KANK1: variants seen among roughly 807,000 people sequenced by gnomAD.
KANK1 encodes the protein KN motif and ankyrin repeat domains 1.
KANK1 carries 109 observed loss-of-function variants against 106.2 expected under a neutral mutation model. The observed-to-expected ratio is 1.03, with a 90% confidence interval of 0.88 to 1.20. The LOEUF (loss-of-function observed/expected upper bound fraction) is 1.20, where lower values mean the gene tolerates loss of function less well. Ranked by LOEUF, KANK1 falls within the 50% of genes most tolerant of loss-of-function variation. KANK1 has a pLI of 0.00. For synonymous variants in KANK1, 873 were observed against 652.2 expected (o/e 1.34, Z -5.16); for missense variants, 2,399 against 1,710.7 (o/e 1.40, Z -7.10).
chr9:556,190 A>G (rs549134237), intron 1 of KANK1, among the ~76,000 whole-genome samples: 111 of 152,332 alleles, frequency 7.3e-4, no homozygotes, highest in African/African-American at 2.6e-3. Flanking sequence ...TTTTAGAGCT[A>G]TTTCTGATAA....
chr9:503,065 C>A (rs983617026), upstream of KANK1, among the ~76,000 whole-genome samples: 5 of 137,436 alleles, frequency 3.6e-5, no homozygotes, highest in African/African-American at 1.4e-4. Flanking sequence ...CCCAGAACTC[C>A]TGGGGTCAAC....
chr9:699,235 T>C (rs1471800112), intron 2 of KANK1, among the ~76,000 whole-genome samples: 1 of 152,194 alleles, frequency 6.6e-6, no homozygotes, highest in Non-Finnish European at 1.5e-5. Context: ...ACAGTTGTTA[T>C]TTATGTGATC....
rs1309565091 is a variant in KANK1 at position 711,190 on chromosome 9, C to T, written c.424C>T (p.Pro142Ser). Reference sequence around the variant, plus strand: ...CATCCCAGAAAATCGACAGCTGCCACCTCCCTCACCACAACTCCCAAAGCA... The same window carrying T: ...CATCCCAGAAAATCGACAGCTGCCATCTCCCTCACCACAACTCCCAAAGCA... ...LTIPENRQLP[P>S]PSPQLPKHNL... Residue 142 changes from proline to serine, a missense_variant, in exon 3 of 12, where the codon CCT becomes TCT. Physicochemically the swap from Pro to Ser is moderately conservative, Grantham distance 74. Transcript: ENST00000382297. 4.3e-6 allele frequency: 7 copies of T among 1,614,084 alleles called. No individual in the cohort carries two copies. In the East Asian group the frequency reaches 6.7e-5, roughly 15 times the overall value.
At chr9:562,391 A>G (rs556666383) in intron 1 of KANK1, among the ~76,000 whole-genome samples, 1 of 152,314 alleles carries the variant, frequency 6.6e-6, no homozygotes, top group Non-Finnish European at 1.5e-5. Flanking sequence ...AGAGCTGGGT[A>G]ACAACTGCTT....
intron 1 of KANK1, among the ~76,000 whole-genome samples, chr9:594,418 A>G (rs1440423347): frequency 6.6e-6 from 1 of 151,808 alleles, no homozygotes; most frequent in Non-Finnish European, 1.5e-5. Flanking sequence ...ATTAGGGACA[A>G]ATCATATACC....
At chr9:705,666 T>A (rs747325759) in intron 2 of KANK1, among the ~76,000 whole-genome samples, 9 of 151,638 alleles carry the variant, frequency 5.9e-5, no homozygotes, top group Non-Finnish European at 1.3e-4. Context: ...GTGTGTGATC[T>A]TGGCTCACTG....
chr9:566,841 A>C (rs944802688), intron 1 of KANK1, among the ~76,000 whole-genome samples: 32 of 152,128 alleles, frequency 2.1e-4, no homozygotes, highest in Non-Finnish European at 4.3e-4. Context: ...GCTGTGCAGA[A>C]GCCTTTTAGT....
chr9:475,306 G>C (rs543323326), intron 3 of KANK1, among the ~76,000 whole-genome samples: 1 of 152,176 alleles, frequency 6.6e-6, no homozygotes, highest in Non-Finnish European at 1.5e-5. Flanking sequence ...ATGCTAGCAG[G>C]CCACTGCACA....
At chr9:726,379 C>T (rs902590594) in intron 3 of KANK1, among the ~76,000 whole-genome samples, 1 of 152,224 alleles carries the variant, frequency 6.6e-6, no homozygotes, top group Non-Finnish European at 1.5e-5. Context: ...TTGCTCACGC[C>T]TCTAACCCCA....
chr9:485,593 C>G (rs1316080527), intron 3 of KANK1, among the ~76,000 whole-genome samples: 1 of 152,138 alleles, frequency 6.6e-6, no homozygotes, highest in African/African-American at 2.4e-5. Context: ...AAGAGATAGG[C>G]TGGGCACAGT....
chr9:573,679 G>C lies in KANK1; in HGVS notation c.-84+68925G>C, dbSNP rs578075923. Among the ~76,000 whole-genome samples the C allele has an allele frequency of 5.9e-5, 9 of 152,218 alleles. No homozygotes were observed. The South Asian group carries it at 1.2e-3, about 21-fold the overall frequency. On this transcript the variant is annotated intron_variant, in intron 1 of 11. Coordinates refer to ENST00000382297, the MANE Select transcript of KANK1 (RefSeq NM_015158.5). Reference sequence around the variant, plus strand: ...GCGGGCATTTTATTTTTATCTTAAAGAAAATGTTAAAATGGTTGACGTTTT... The same window carrying C: ...GCGGGCATTTTATTTTTATCTTAAACAAAATGTTAAAATGGTTGACGTTTT...
At chr9:556,382 G>T (rs1181091891) in intron 1 of KANK1, among the ~76,000 whole-genome samples, 3 of 152,146 alleles carry the variant, frequency 2.0e-5, no homozygotes, top group African/African-American at 7.2e-5. Context: ...TTTCTGAGTT[G>T]TGCTCTCCTC....
At chr9:537,072 T>C (rs2060339190) in intron 1 of KANK1, among the ~76,000 whole-genome samples, 1 of 152,208 alleles carries the variant, frequency 6.6e-6, no homozygotes, top group African/African-American at 2.4e-5. Context: ...GTTGTGACTC[T>C]CCTGCTTATG....
chr9:667,848 C>G (rs1200921920), intron 1 of KANK1, among the ~76,000 whole-genome samples: 1 of 151,564 alleles, frequency 6.6e-6, no homozygotes, highest in African/African-American at 2.4e-5. Flanking sequence ...TCTCCTGCCT[C>G]AGCCTCCCAA....
In KANK1 at chr9:702,724, T is replaced by G. The variant is rs1198978611; in HGVS notation, c.38-8080T>G. Among the ~76,000 whole-genome samples, 2 of 152,152 alleles carry G rather than the reference T, an allele frequency of 1.3e-5. 1 individual carries two copies. Among genetic ancestry groups the G allele is most frequent in the Admixed American group, 1.3e-4 (2 of 15,266 alleles). The stretch of plus-strand genomic sequence containing the variant: ...TCAAGACGATCTTTGTTGATGCCTT[T>G]TAGCCCCTAGTTTCAGTGGAAAAAC... On this transcript the variant is annotated intron_variant, in intron 2 of 11. Transcript: ENST00000382297.
Position 742,371 on chromosome 9 carries a change from C to T in KANK1, c.3863C>T (p.Ala1288Val). The part of the protein sequence containing the change: ...GHVEIVKLLL[A>V]QPGCNGHLED... The stretch of plus-strand genomic sequence containing the variant: ...GTGGAGATTGTCAAGCTGCTGCTGG[C>T]CCAGCCCGGCTGCAACGGTCACCTA... Residue 1288 changes from alanine to valine, a missense_variant, in exon 10 of 12, where the codon GCC becomes GTC. Physicochemically the swap from Ala to Val is moderately conservative, Grantham distance 64. Coordinates refer to ENST00000382297, the MANE Select transcript of KANK1 (RefSeq NM_015158.5). 1 of 1,613,848 alleles carries T rather than the reference C, an allele frequency of 6.2e-7. No individual in the cohort carries two copies. Among genetic ancestry groups the T allele is most frequent in the Non-Finnish European group, 8.5e-7 (1 of 1,179,854 alleles).
At chr9:676,005 G>GT (rs1336858161) in intron 1 of KANK1, among the ~76,000 whole-genome samples, 1 of 152,152 alleles carries the variant, frequency 6.6e-6, no homozygotes, top group East Asian at 1.9e-4. Flanking sequence ...TGGTGGGAAT[G>GT]TTTTTTAGCA....
Position 569,228 on chromosome 9 carries a change from C to T in KANK1, c.-84+64474C>T, listed in dbSNP as rs960332975. Among the ~76,000 whole-genome samples the T allele has an allele frequency of 2.6e-5, 4 of 152,068 alleles. 1 individual carries two copies. The South Asian group carries it at 6.2e-4, about 24-fold the overall frequency. On this transcript the variant is annotated intron_variant, in intron 1 of 11. Coordinates refer to ENST00000382297, the MANE Select transcript of KANK1 (RefSeq NM_015158.5). ...ACATAGCTTCCTATCTCTATATGTTCGTCTCCTATTTATGGTCCCTCAGTA... is the reference window on the plus strand; with the variant it reads ...ACATAGCTTCCTATCTCTATATGTTTGTCTCCTATTTATGGTCCCTCAGTA...
chr9:594,846 C>G (rs1825831120), intron 1 of KANK1, among the ~76,000 whole-genome samples: 1 of 151,766 alleles, frequency 6.6e-6, no homozygotes, highest in South Asian at 2.1e-4. Context: ...TGTCTCTCCT[C>G]TTTCAACCTT....
Sources: allele counts gnomAD v4.1 joint callset (sites outside exome capture counted in the v4.1 genomes callset), GRCh38; gene constraint gnomAD v4.1.1; transcripts MANE v1.5; gene names NCBI Gene and HGNC (gene_info 2026-07-23, HGNC 2026-07-21).